PTPRQ: variants seen among roughly 807,000 people sequenced by gnomAD.
PTPRQ encodes the protein protein tyrosine phosphatase receptor type Q.
A neutral mutation model predicts 246.0 loss-of-function variants in PTPRQ; 199 were observed. That is an observed-to-expected ratio of 0.81 (90% CI 0.72 to 0.91). PTPRQ has a LOEUF of 0.91. Ranked by LOEUF, PTPRQ falls within the 40% of genes least tolerant of loss-of-function variation. The pLI, the probability that PTPRQ is intolerant of heterozygous loss-of-function variation, is 0.00. For missense variants in PTPRQ, 2,624 were observed against 2,528.4 expected (o/e 1.04, Z -0.81); for synonymous variants, 869 against 853.2 (o/e 1.02, Z -0.32).
At position 80,680,150 on chromosome 12, in the gene PTPRQ, A is replaced by C. The variant is rs1253947978; in HGVS notation, c.*1127A>C. On this transcript the variant is annotated 3_prime_UTR_variant, in exon 45 of 45. Coordinates refer to ENST00000644991, the MANE Select transcript of PTPRQ (RefSeq NM_001145026.2). ...ATGAACTCATTTTGTCATAGATTTC[A>C]ATTAAGAGTAATAAATAGTATTAAT... The C allele has an allele frequency of 6.6e-6, 1 of 151,790 alleles. No homozygotes were observed. Among genetic ancestry groups the C allele is most frequent in the Non-Finnish European group, 1.5e-5 (1 of 67,848 alleles). The allele number at this position is 151,790 out of a possible 1,614,324, so 9.4% of individuals were successfully genotyped here.
intron 25 of PTPRQ, among the ~76,000 whole-genome samples, chr12:80,558,853 T>G (rs1896742477): frequency 6.6e-6 from 1 of 152,240 alleles, no homozygotes; most frequent in African/African-American, 2.4e-5. Flanking sequence ...AATATATTTT[T>G]TATGTACTTA....
intron 25 of PTPRQ, among the ~76,000 whole-genome samples, chr12:80,553,287 T>G (rs1373180605): frequency 2.6e-5 from 4 of 152,156 alleles, no homozygotes; most frequent in African/African-American, 9.7e-5. Context: ...TTTTGATTTT[T>G]ATTTTTAAAA....
chr12:80,450,863 G>T (rs939487415), intron 3 of PTPRQ, among the ~76,000 whole-genome samples: 3 of 152,150 alleles, frequency 2.0e-5, no homozygotes, highest in African/African-American at 7.2e-5. Flanking sequence ...TCTCTGCCTG[G>T]CTTTGGTATC....
intron 30 of PTPRQ, among the ~76,000 whole-genome samples, chr12:80,618,070 A>G (rs980995869): frequency 6.6e-6 from 1 of 151,318 alleles, no homozygotes; most frequent in African/African-American, 2.4e-5. Flanking sequence ...ATCCAGTCTC[A>G]TTTTAGCCTT....
chr12:80,481,406 A>C (rs1894051023), intron 8 of PTPRQ, among the ~76,000 whole-genome samples: 1 of 152,182 alleles, frequency 6.6e-6, no homozygotes, highest in African/African-American at 2.4e-5. Context: ...TGACAAACCC[A>C]CAGCCAATAT....
At chr12:80,627,085 C>T (rs897970902) in intron 33 of PTPRQ, among the ~76,000 whole-genome samples, 4 of 151,698 alleles carry the variant, frequency 2.6e-5, no homozygotes, top group East Asian at 1.9e-4. Context: ...AAATTATACA[C>T]GTATATATTT....
In PTPRQ at chr12:80,645,960, G is replaced by A. The variant is rs144408581; in HGVS notation, c.5916-2937G>A. On this transcript the variant is annotated intron_variant, in intron 35 of 44. Transcript: ENST00000644991. ...TGGTCATTGTATTAGAGATTTGTTT[G>A]GGATCTCGAATTGAGAGCTAGAAAT... is the stretch of plus-strand genomic sequence containing the variant. Among the ~76,000 whole-genome samples, 6 of 152,126 alleles carry A rather than the reference G, an allele frequency of 3.9e-5. No individual in the cohort carries two copies. In the East Asian group the frequency reaches 1.2e-3, roughly 29 times the overall value.
chr12:80,511,470 C>A (rs1243940481), intron 17 of PTPRQ, among the ~76,000 whole-genome samples: 1 of 152,062 alleles, frequency 6.6e-6, no homozygotes, highest in Non-Finnish European at 1.5e-5. Context: ...TGATAGAATA[C>A]CTATATACTC....
intron 8 of PTPRQ, among the ~76,000 whole-genome samples, chr12:80,474,779 A>T (rs1262540791): frequency 6.6e-6 from 1 of 152,160 alleles, no homozygotes; most frequent in Non-Finnish European, 1.5e-5. Context: ...ATGCTTCAAT[A>T]TTGTCTAACA....
At chr12:80,639,451 G>A (rs987827099) in intron 35 of PTPRQ, among the ~76,000 whole-genome samples, 1 of 151,882 alleles carries the variant, frequency 6.6e-6, no homozygotes, top group Non-Finnish European at 1.5e-5. Flanking sequence ...GCCTATTTTA[G>A]TTGAGTGAAT....
At chr12:80,572,278 A>G (rs1897166508) in intron 25 of PTPRQ, among the ~76,000 whole-genome samples, 2 of 152,002 alleles carry the variant, frequency 1.3e-5, no homozygotes, top group Non-Finnish European at 2.9e-5. Flanking sequence ...TAATTTTTTA[A>G]TGTTATTCTA....
intron 33 of PTPRQ, among the ~76,000 whole-genome samples, chr12:80,629,586 G>C (rs1479294492): frequency 6.6e-6 from 1 of 152,070 alleles, no homozygotes; most frequent in African/African-American, 2.4e-5. Flanking sequence ...AGGGAAATCA[G>C]AGGGGTAACA....
intron 33 of PTPRQ, among the ~76,000 whole-genome samples, chr12:80,630,062 A>G (rs968806355): frequency 6.6e-6 from 1 of 152,154 alleles, no homozygotes; most frequent in Admixed American, 6.5e-5. Context: ...CTGTGATTAA[A>G]CTTAACAATA....
intron 39 of PTPRQ, among the ~76,000 whole-genome samples, chr12:80,661,804 C>T (rs759714207): frequency 6.6e-6 from 1 of 151,662 alleles, no homozygotes; most frequent in Admixed American, 6.6e-5. Context: ...TTTTGGAAAC[C>T]TTTACATTTA....
chr12:80,589,406 T>C (rs1161863243), intron 26 of PTPRQ, among the ~76,000 whole-genome samples: 3 of 152,204 alleles, frequency 2.0e-5, no homozygotes, highest in East Asian at 3.9e-4. Context: ...TGTTATCATC[T>C]TCCTATCTTG....
At chr12:80,517,030 T>A (rs1895323795) in intron 17 of PTPRQ, among the ~76,000 whole-genome samples, 2 of 152,180 alleles carry the variant, frequency 1.3e-5, no homozygotes. Flanking sequence ...TCTAGTGGGA[T>A]GACCAATGTT....
At chr12:80,528,976 A>C (rs1198172185) in intron 17 of PTPRQ, among the ~76,000 whole-genome samples, 1 of 152,144 alleles carries the variant, frequency 6.6e-6, no homozygotes, top group South Asian at 2.1e-4. Flanking sequence ...CAGTCAACCA[A>C]ATGATGACAA....
intron 43 of PTPRQ, among the ~76,000 whole-genome samples, chr12:80,673,913 C>A (rs1006459327): frequency 6.6e-6 from 1 of 152,076 alleles, no homozygotes; most frequent in Non-Finnish European, 1.5e-5. Context: ...TGAGTGTCTA[C>A]TGGGTTCCAG....
Position 80,495,071 on chromosome 12 carries a change from TCA to T in PTPRQ, c.1680_1681del (p.Ser561CysfsTer2). Reference sequence around the variant, plus strand: ...ATGGGAGAAGGACCACCAACAGTTCTCAGTGTTAGGACACGTCAGCAAGGTAA... The same window carrying T: ...ATGGGAGAAGGACCACCAACAGTTCTGTGTTAGGACACGTCAGCAAGGTAA... On this transcript the variant is annotated frameshift_variant, in exon 11 of 45. Transcript: ENST00000644991. LOFTEE classifies it high-confidence loss of function. 1.9e-6 allele frequency: 3 copies of T among 1,550,508 alleles called. No individual in the cohort carries two copies. Among genetic ancestry groups the T allele is most frequent in the Non-Finnish European group, 2.6e-6 (3 of 1,146,202 alleles).
Sources: allele counts gnomAD v4.1 joint callset (sites outside exome capture counted in the v4.1 genomes callset), GRCh38; gene constraint gnomAD v4.1.1; transcripts MANE v1.5; gene names NCBI Gene and HGNC (gene_info 2026-07-23, HGNC 2026-07-21).